Variants in GSN observed in about 807,000 individuals in gnomAD.
GSN encodes gelsolin, also known as actin-depolymerizing factor.
In GSN, 56 loss-of-function variants were observed where a neutral mutation model predicts 85.7. The ratio of observed to expected loss-of-function variants is 0.65; its 90% confidence interval spans 0.53 to 0.82. GSN has a LOEUF of 0.82. Ranked by LOEUF, GSN falls within the 40% of genes least tolerant of loss-of-function variation. The probability of loss-of-function intolerance (pLI) is 0.00; values close to 1 mark genes in which losing one functional copy is unlikely to be tolerated. For synonymous variants in GSN, 373 were observed against 399.1 expected (o/e 0.93, Z 0.78); for missense variants, 857 against 979.8 (o/e 0.87, Z 1.67).
chr9:121,205,943 C>T (rs573259757), upstream of GSN, among the ~76,000 whole-genome samples: 1 of 151,652 alleles, frequency 6.6e-6, no homozygotes, highest in South Asian at 2.1e-4. Context: ...TCCTCTTATG[C>T]TTGTGAATTT....
chr9:121,312,765 C>T (rs921583149), intron 6 of GSN: 2 of 248,336 alleles, frequency 8.1e-6, no homozygotes, highest in Admixed American at 5.2e-5. Flanking sequence ...GTAGCTGGGA[C>T]CACAGGCGAG....
upstream of GSN, among the ~76,000 whole-genome samples, chr9:121,206,527 C>CTAA (rs1564328928): frequency 1.3e-5 from 2 of 152,134 alleles, no homozygotes. Context: ...TCCCCATACA[C>CTAA]CTTATACCAC....
chr9:121,265,982 A>T (rs1165464729), upstream of GSN, among the ~76,000 whole-genome samples: 3 of 152,214 alleles, frequency 2.0e-5, no homozygotes, highest in African/African-American at 7.2e-5. Flanking sequence ...CCATGTAAGT[A>T]TTGGTTATCA....
chr9:121,327,246 T>C, intron 13 of GSN, 62 bp from the exon 14 acceptor site: 1 of 1,346,616 alleles, frequency 7.4e-7, no homozygotes, highest in Non-Finnish European at 1.1e-6. Flanking sequence ...TCTCCTGGGC[T>C]GTGAGGAGGG....
At chr9:121,215,585 T>C (rs984360965) in intron 4 of GSN, among the ~76,000 whole-genome samples, 1 of 151,804 alleles carries the variant, frequency 6.6e-6, no homozygotes, top group Non-Finnish European at 1.5e-5. Flanking sequence ...TCCCAGCTAC[T>C]TGAGAGGCTG....
At chr9:121,206,141 A>C (rs189739372), upstream of GSN, among the ~76,000 whole-genome samples, 445 of 152,280 alleles carry the variant, frequency 2.9e-3, 4 homozygotes, top group Middle Eastern at 0.021. Context: ...TTATTACCAC[A>C]TGTGTGTTCT....
chr9:121,273,307 G>C (rs1564385271), intron 1 of GSN, among the ~76,000 whole-genome samples: 1 of 152,120 alleles, frequency 6.6e-6, no homozygotes, highest in South Asian at 2.1e-4. Context: ...CTACATATGT[G>C]AGCCTTCAGG....
At chr9:121,207,439 T>C (rs2132059008), upstream of GSN, among the ~76,000 whole-genome samples, 1 of 152,296 alleles carries the variant, frequency 6.6e-6, no homozygotes, top group South Asian at 2.1e-4. Context: ...TATTTTATAA[T>C]GGGAAGTAAT....
At chr9:121,230,527 G>A (rs2054367258) in intron 4 of GSN, among the ~76,000 whole-genome samples, 1 of 151,580 alleles carries the variant, frequency 6.6e-6, no homozygotes, top group African/African-American at 2.4e-5. Context: ...TTGCAATGTG[G>A]GGGATAAGAG....
intron 8 of GSN, 22 bp downstream of exon 8, chr9:121,317,240 T>A (rs1161335529): frequency 6.2e-7 from 1 of 1,613,218 alleles, no homozygotes; most frequent in African/African-American, 1.3e-5. Flanking sequence ...AGGGAAAGGG[T>A]CCCAACTGGC....
intron 6 of GSN, among the ~76,000 whole-genome samples, chr9:121,253,924 A>T (rs2054892792): frequency 6.6e-6 from 1 of 151,520 alleles, no homozygotes; most frequent in Admixed American, 6.6e-5. Flanking sequence ...TCTTGGGGTG[A>T]CCCTCCCTTC....
chr9:121,272,851 A>G (rs1311507015), intron 1 of GSN, among the ~76,000 whole-genome samples: 3 of 152,204 alleles, frequency 2.0e-5, no homozygotes, highest in Admixed American at 6.5e-5. Context: ...GAGTCTCACA[A>G]TAGTCCTGGG....
At chr9:121,201,677 G>C in the GSN span, 3 of 152,556 alleles carry the variant, frequency 2.0e-5, no homozygotes, top group Non-Finnish European at 2.9e-5. Context: ...TTCCGGGCGG[G>C]AGGGGGGCGT....
intron 10 of GSN, among the ~76,000 whole-genome samples, 154 bp downstream of exon 10, chr9:121,319,034 C>T (rs1197100472): frequency 6.6e-6 from 1 of 152,252 alleles, no homozygotes; most frequent in East Asian, 1.9e-4. Flanking sequence ...AGCCAATGCA[C>T]CCTGTGTATC....
At chr9:121,277,882 G>A (rs1488379096) in intron 1 of GSN, among the ~76,000 whole-genome samples, 2 of 152,006 alleles carry the variant, frequency 1.3e-5, no homozygotes, top group East Asian at 1.9e-4. Flanking sequence ...GCTAAGAATG[G>A]TTTTATAGTT....
rs1210363041 is a variant in GSN at position 121,329,794 on chromosome 9, GC to G, written c.1965+481del. ...TATGTAGGACTTGGCAGGGGAAGAT[GC>G]CATTCACTTACTCAACCAATATTAA... is the stretch of plus-strand genomic sequence containing the variant. On this transcript the variant is annotated intron_variant, in intron 16 of 17. Coordinates refer to ENST00000432226, the MANE Select transcript of GSN (RefSeq NM_198252.3). The surrounding 1 kb of genome is among the most constrained non-coding windows in gnomAD (Gnocchi z 4.6). Among the ~76,000 whole-genome samples the G allele has an allele frequency of 6.6e-6, 1 of 152,202 alleles. No homozygotes were observed. The highest frequency in any genetic ancestry group is 1.5e-5 in the Non-Finnish European group (1 of 68,042).
At chr9:121,210,588 G>A (rs1181990745) in intron 3 of GSN, among the ~76,000 whole-genome samples, 1 of 152,180 alleles carries the variant, frequency 6.6e-6, no homozygotes, top group African/African-American at 2.4e-5. Flanking sequence ...TTTATCCTCT[G>A]TGAAATGGAG....
At chr9:121,305,724 C>G (rs2060339086) in intron 4 of GSN, among the ~76,000 whole-genome samples, 1 of 152,224 alleles carries the variant, frequency 6.6e-6, no homozygotes. Flanking sequence ...AGATTTGGGG[C>G]TTCTGTCCTG....
chr9:121,285,053 T>G (rs2057905948), intron 2 of GSN: 1 of 167,128 alleles, frequency 6.0e-6, no homozygotes, highest in African/African-American at 2.4e-5. Context: ...GGCAAACAGG[T>G]CTGGGCCTGA....
Sources: allele counts gnomAD v4.1 joint callset (sites outside exome capture counted in the v4.1 genomes callset), GRCh38; gene constraint gnomAD v4.1.1; non-coding constraint Gnocchi (gnomAD v3.1); transcripts MANE v1.5; gene names NCBI Gene and HGNC (gene_info 2026-07-23, HGNC 2026-07-21).